CFAP69: variants seen among roughly 807,000 people sequenced by gnomAD.
CFAP69 encodes cilia and flagella associated protein 69, also known as cilia- and flagella-associated protein 69.
In CFAP69, 92 loss-of-function variants were observed where a neutral mutation model predicts 123.0. The ratio of observed to expected loss-of-function variants is 0.75; its 90% confidence interval spans 0.63 to 0.89. CFAP69 has a LOEUF of 0.89. Among genes scored for constraint, CFAP69 ranks in the 40% least tolerant of loss-of-function variants. The pLI, the probability that CFAP69 is intolerant of heterozygous loss-of-function variation, is 0.00. For missense variants in CFAP69, 1,067 were observed against 1,096.9 expected (o/e 0.97, Z 0.39); for synonymous variants, 380 against 364.3 (o/e 1.04, Z -0.49).
chr7:90,253,992 C>A (rs1352352820), intron 1 of CFAP69, among the ~76,000 whole-genome samples: 1 of 152,086 alleles, frequency 6.6e-6, no homozygotes, highest in Non-Finnish European at 1.5e-5. Flanking sequence ...AGTCTTTAAT[C>A]CATTTTGATT....
At chr7:90,295,232 A>AG (rs1349239051) in intron 15 of CFAP69, among the ~76,000 whole-genome samples, 3 of 152,188 alleles carry the variant, frequency 2.0e-5, no homozygotes, top group Admixed American at 1.3e-4. Flanking sequence ...CTTTACTGAG[A>AG]GGGGCCTCTA....
In CFAP69 at chr7:90,310,258, G is replaced by T. The variant is rs1481536408; in HGVS notation, c.*20G>T. 4 of 1,554,556 alleles carry T rather than the reference G, an allele frequency of 2.6e-6. No homozygotes were observed. The highest frequency in any genetic ancestry group is 3.5e-6 in the Non-Finnish European group (4 of 1,145,744). On this transcript the variant is annotated 3_prime_UTR_variant, in exon 23 of 23. Coordinates refer to ENST00000389297, the MANE Select transcript of CFAP69 (RefSeq NM_001039706.3). ...ACGTAATATACTATAGAGACTTTTT[G>T]AAATAAAGTCAGCTTATAATTTTTT... is the stretch of plus-strand genomic sequence containing the variant.
At chr7:90,273,893 A>G (rs1800348423) in intron 8 of CFAP69, 94 bp from the exon 9 acceptor site, 1 of 980,524 alleles carries the variant, frequency 1.0e-6, no homozygotes, top group Non-Finnish European at 1.5e-6. Flanking sequence ...AAACCATCAC[A>G]TTGGGGGTTA....
intron 1 of CFAP69, among the ~76,000 whole-genome samples, chr7:90,249,779 C>T (rs1248929335): frequency 1.3e-5 from 2 of 152,116 alleles, no homozygotes; most frequent in Admixed American, 6.5e-5. Context: ...CTTAGATGAA[C>T]CCCAGCACTC....
chr7:90,313,347 T>G (rs1794485424), downstream of CFAP69, among the ~76,000 whole-genome samples: 2 of 152,226 alleles, frequency 1.3e-5, no homozygotes, highest in South Asian at 4.1e-4. Flanking sequence ...CAACCATTTT[T>G]TATTGCTTAT....
At position 90,264,451 on chromosome 7, in the gene CFAP69, C is replaced by A. The variant is rs201647164; in HGVS notation, c.357-850C>A. On this transcript the variant is annotated intron_variant, in intron 4 of 22. Transcript: ENST00000389297. ...CTGTTATTTTGTGGATAGTTACTAACCCAGCTAATAAGCAAAAATGCACTG... is the reference window on the plus strand; with the variant it reads ...CTGTTATTTTGTGGATAGTTACTAAACCAGCTAATAAGCAAAAATGCACTG... Among the ~76,000 whole-genome samples the A allele has an allele frequency of 2.6e-5, 4 of 151,808 alleles. No individual in the cohort carries two copies. The East Asian group carries it at 7.7e-4, about 29-fold the overall frequency.
At chr7:90,246,466 T>TG (rs1796339413) in intron 1 of CFAP69, among the ~76,000 whole-genome samples, 1 of 152,196 alleles carries the variant, frequency 6.6e-6, no homozygotes, top group Non-Finnish European at 1.5e-5. Flanking sequence ...CCTGGAGCCT[T>TG]GGAGAGTTCC....
At chr7:90,309,592 C>T (rs1255173108) in intron 22 of CFAP69, among the ~76,000 whole-genome samples, 10 of 151,726 alleles carry the variant, frequency 6.6e-5, no homozygotes, top group Non-Finnish European at 1.3e-4. Flanking sequence ...AATATTATGT[C>T]AATGGGATTT....
intron 4 of CFAP69, among the ~76,000 whole-genome samples, chr7:90,264,105 ATATATAT>A (rs1182920054): frequency 0.012 from 875 of 71,074 alleles, 41 homozygotes; most frequent in East Asian, 0.021. Flanking sequence ...AAAAAAAAAA[ATATATAT>A]ATATATATAT....
At chr7:90,273,402 G>A (rs1487399229) in intron 8 of CFAP69, among the ~76,000 whole-genome samples, 1 of 152,062 alleles carries the variant, frequency 6.6e-6, no homozygotes, top group Non-Finnish European at 1.5e-5. Flanking sequence ...GTTTTACAAA[G>A]GAAAATGACA....
rs1788819527 is a variant in CFAP69 at position 90,277,726 on chromosome 7, CTT to C, written c.1155+393_1155+394del. ...ACCTCTGTGATGCCAATCTCAAACTCTTATGAACCTGCTTTTTCATCACACAA... is the reference window on the plus strand; with the variant it reads ...ACCTCTGTGATGCCAATCTCAAACTCATGAACCTGCTTTTTCATCACACAA... On this transcript the variant is annotated intron_variant, in intron 11 of 22. Coordinates refer to ENST00000389297, the MANE Select transcript of CFAP69 (RefSeq NM_001039706.3). Among the ~76,000 whole-genome samples, 4 of 152,116 alleles carry C rather than the reference CTT, an allele frequency of 2.6e-5. No individual in the cohort carries two copies. In the East Asian group the frequency reaches 7.7e-4, roughly 29 times the overall value.
chr7:90,297,960 T>C, intron 16 of CFAP69, 130 bp downstream of exon 16: 1 of 588,540 alleles, frequency 1.7e-6, no homozygotes, highest in Non-Finnish European at 2.9e-6. Flanking sequence ...GGTACGGTCT[T>C]AAACAAAATT....
chr7:90,304,643 G>GTAGGTAGA, intron 18 of CFAP69, 101 bp from the exon 19 acceptor site: 1 of 1,279,538 alleles, frequency 7.8e-7, no homozygotes, highest in Non-Finnish European at 1.1e-6. Flanking sequence ...TTTTAGATAG[G>GTAGGTAGA]TAGATAGATA....
At chr7:90,288,537 A>AGTAT (rs1416460695) in intron 15 of CFAP69, among the ~76,000 whole-genome samples, 185 bp downstream of exon 15, 1 of 152,190 alleles carries the variant, frequency 6.6e-6, no homozygotes, top group Non-Finnish European at 1.5e-5. Flanking sequence ...GTATAGCCTA[A>AGTAT]AGGCTACAAA....
At chr7:90,277,165 A>T (rs1188402975) in intron 10 of CFAP69, 44 bp downstream of exon 10, 37 of 1,569,336 alleles carry the variant, frequency 2.4e-5, no homozygotes, top group Non-Finnish European at 3.2e-5. Context: ...TATCTTGATA[A>T]GTCTTGTACA....
chr7:90,250,061 C>A (rs939121474), intron 1 of CFAP69, among the ~76,000 whole-genome samples: 1 of 152,008 alleles, frequency 6.6e-6, no homozygotes, highest in African/African-American at 2.4e-5. Flanking sequence ...AAGAAATAAC[C>A]TCTGTAGTTG....
At chr7:90,319,321 G>A in the CFAP69 span, 1 of 398,346 alleles carries the variant, frequency 2.5e-6, no homozygotes, top group Non-Finnish European at 4.4e-6. Flanking sequence ...TTAAAGAAAA[G>A]TAAACTGCTA....
At chr7:90,277,372 G>A (rs1345929624) in intron 11 of CFAP69, 38 bp downstream of exon 11, 3 of 1,410,896 alleles carry the variant, frequency 2.1e-6, no homozygotes, top group Non-Finnish European at 2.8e-6. Flanking sequence ...AATAAAAATT[G>A]TCTTACTTTG....
intron 15 of CFAP69, among the ~76,000 whole-genome samples, chr7:90,291,050 G>A (rs1459561734): frequency 6.6e-6 from 1 of 152,018 alleles, no homozygotes; most frequent in Non-Finnish European, 1.5e-5. Flanking sequence ...AATTCTTATA[G>A]GAAAGGGTTC....
Sources: allele counts gnomAD v4.1 joint callset (sites outside exome capture counted in the v4.1 genomes callset), GRCh38; gene constraint gnomAD v4.1.1; transcripts MANE v1.5; gene names NCBI Gene and HGNC (gene_info 2026-07-23, HGNC 2026-07-21).